SMS: variants seen among roughly 807,000 people sequenced by gnomAD.
SMS encodes spermine synthase.
SMS carries 3 observed loss-of-function variants against 33.0 expected under a neutral mutation model. That is an observed-to-expected ratio of 0.09 (90% CI 0.04 to 0.23). The LOEUF (loss-of-function observed/expected upper bound fraction) is 0.23. Among genes scored for constraint, SMS ranks in the 10% least tolerant of loss-of-function variants. SMS has a pLI of 1.00. For missense variants in SMS, 117 were observed against 288.6 expected (o/e 0.41, Z 4.31); for synonymous variants, 103 against 112.2 (o/e 0.92, Z 0.52).
At chrX:21,980,429 A>AAAAAAAATATAT (rs1260210326) in intron 7 of SMS, among the ~76,000 whole-genome samples, 4 of 63,039 alleles carry the variant, frequency 6.3e-5, no homozygotes, top group Non-Finnish European at 9.2e-5. Flanking sequence ...AAAAAAAAAA[A>AAAAAAAATATAT]ATATATATAT....
intron 1 of SMS, 21 bp from the exon 2 acceptor site, chrX:21,967,175 C>T: frequency 8.3e-7 from 1 of 1,207,263 alleles, no homozygotes; most frequent in South Asian, 1.8e-5. Flanking sequence ...ACCATCTTGC[C>T]TTCTTCCCCT....
At chrX:21,976,507 T>C (rs1359392302) in intron 4 of SMS, among the ~76,000 whole-genome samples, 1 of 110,060 alleles carries the variant, frequency 9.1e-6, no homozygotes, top group African/African-American at 3.3e-5. Context: ...TTCAGCAGAA[T>C]AGCTGGTCTG....
chrX:21,974,856 C>CTT (rs11347193), intron 4 of SMS, among the ~76,000 whole-genome samples: 1 of 83,307 alleles, frequency 1.2e-5, no homozygotes. Flanking sequence ...GATTGCTATC[C>CTT]TTTTTTTTTT....
intron 9 of SMS, among the ~76,000 whole-genome samples, chrX:21,991,543 T>G (rs990377570): frequency 3.6e-5 from 4 of 112,182 alleles, no homozygotes; most frequent in African/African-American, 1.3e-4. Context: ...AATACCAACT[T>G]CAGAGATTAA....
At chrX:21,994,218 A>G in intron 10 of SMS, 94 bp from the exon 11 acceptor site, 1 of 829,752 alleles carries the variant, frequency 1.2e-6, no homozygotes, top group Non-Finnish European at 1.8e-6. Context: ...GAAGCTTTTC[A>G]TCCATCTTTC....
intron 1 of SMS, among the ~76,000 whole-genome samples, chrX:21,947,718 G>A (rs996275484): frequency 7.2e-5 from 8 of 111,176 alleles, no homozygotes; most frequent in African/African-American, 9.8e-5. Flanking sequence ...AAACTCTTCC[G>A]TGGGTCCCTA....
At chrX:21,989,856 C>CTTGAGGTG (rs1925640949) in intron 9 of SMS, among the ~76,000 whole-genome samples, 1 of 110,929 alleles carries the variant, frequency 9.0e-6, no homozygotes, top group Non-Finnish European at 1.9e-5. Flanking sequence ...ACCTCTCCTG[C>CTTGAGGTG]CTCAGCCTTC....
intron 4 of SMS, among the ~76,000 whole-genome samples, chrX:21,975,324 T>G (rs1924463469): frequency 9.0e-6 from 1 of 111,363 alleles, no homozygotes; most frequent in African/African-American, 3.2e-5. Context: ...TCTTTGCTAG[T>G]CTTTAAAAAA....
chrX:21,948,437 G>GTTTTTTTT (rs1922380744), intron 1 of SMS, among the ~76,000 whole-genome samples: 1 of 42,568 alleles, frequency 2.3e-5, no homozygotes, highest in Non-Finnish European at 3.7e-5. Flanking sequence ...CAGTCAATGT[G>GTTTTTTTT]TCTTTTTTTT....
At chrX:21,963,798 C>T (rs1424085255) in intron 1 of SMS, among the ~76,000 whole-genome samples, 3 of 112,228 alleles carry the variant, frequency 2.7e-5, no homozygotes, top group African/African-American at 9.7e-5. Context: ...CATGGGGGTT[C>T]GGGTTCTGTT....
intron 1 of SMS, among the ~76,000 whole-genome samples, chrX:21,963,932 C>CTTCAGAT (rs2147504618): frequency 8.9e-6 from 1 of 111,985 alleles, no homozygotes; most frequent in East Asian, 2.8e-4. Context: ...CAGAATGGCT[C>CTTCAGAT]TTCAGATTCA....
chrX:21,946,674 T>C (rs923088132), intron 1 of SMS, among the ~76,000 whole-genome samples: 13 of 111,528 alleles, frequency 1.2e-4, no homozygotes, highest in African/African-American at 4.2e-4. Flanking sequence ...GAGACAGTTT[T>C]GGTTGTCACA....
chrX:21,942,799 C>A (rs1174136498), intron 1 of SMS, among the ~76,000 whole-genome samples: 1 of 107,113 alleles, frequency 9.3e-6, no homozygotes, highest in Non-Finnish European at 1.9e-5. Flanking sequence ...TGAACACTCA[C>A]CTGTATTTAT....
chrX:21,942,261 C>A (rs892991253), intron 1 of SMS, among the ~76,000 whole-genome samples: 4 of 110,970 alleles, frequency 3.6e-5, no homozygotes. Flanking sequence ...TGCATTTTCT[C>A]CCGCAAATTT....
intron 10 of SMS, among the ~76,000 whole-genome samples, chrX:21,993,947 C>T (rs1925925721): frequency 9.3e-6 from 1 of 107,738 alleles, no homozygotes; most frequent in African/African-American, 3.4e-5. Context: ...TCCCCCTTCT[C>T]TCCCTTGTAT....
At chrX:21,983,838 C>T (rs983612177) in intron 7 of SMS, among the ~76,000 whole-genome samples, 2 of 110,423 alleles carry the variant, frequency 1.8e-5, no homozygotes, top group East Asian at 2.8e-4. Context: ...GCCTGGGCAA[C>T]GTAGTGAGAC....
chrX:21,983,425 T>C (rs1001219508), intron 7 of SMS, among the ~76,000 whole-genome samples: 25 of 110,434 alleles, frequency 2.3e-4, no homozygotes, highest in African/African-American at 8.2e-4. Context: ...ATTAGAAAAC[T>C]AAAAGATGAC....
intron 6 of SMS, among the ~76,000 whole-genome samples, chrX:21,978,402 CTA>C (rs1924679290): frequency 1.8e-5 from 2 of 111,295 alleles, no homozygotes; most frequent in Non-Finnish European, 3.8e-5. Context: ...TGGCGAAACC[CTA>C]CCTCTACTAA....
At chrX:21,942,220 C>A (rs1320675513) in intron 1 of SMS, among the ~76,000 whole-genome samples, 1 of 110,976 alleles carries the variant, frequency 9.0e-6, no homozygotes, top group Admixed American at 9.6e-5. Flanking sequence ...TAACACTGTT[C>A]CTTTCTTTCT....
Sources: allele counts gnomAD v4.1 joint callset (sites outside exome capture counted in the v4.1 genomes callset), GRCh38; gene constraint gnomAD v4.1.1; transcripts MANE v1.5; gene names NCBI Gene and HGNC (gene_info 2026-07-23, HGNC 2026-07-21).